Variants in RIMS3 observed in about 807,000 individuals in gnomAD.
RIMS3 encodes the protein regulating synaptic membrane exocytosis protein 3.
A neutral mutation model predicts 29.2 loss-of-function variants in RIMS3; 15 were observed. The ratio of observed to expected loss-of-function variants is 0.51; its 90% CI spans 0.34 to 0.79. The LOEUF is 0.79. Among genes scored for constraint, RIMS3 ranks in the 30% least tolerant of loss-of-function variants. RIMS3 has a pLI of 0.01. For synonymous variants in RIMS3, 161 were observed against 170.1 expected, an observed-to-expected ratio of 0.95 and a Z score of 0.41; for missense variants, 342 against 421.4, an observed-to-expected ratio of 0.81 and a Z score of 1.65.
chr1:40,657,000 G>A (rs779133760), intron 1 of RIMS3, among the ~76,000 whole-genome samples: 2 of 152,192 alleles, frequency 1.3e-5, no homozygotes, highest in Non-Finnish European at 2.9e-5. Flanking sequence ...TGCCCCGCTA[G>A]TGCCCTGTTG....
upstream of RIMS3, among the ~76,000 whole-genome samples, chr1:40,670,605 T>TATATATATATATATATAC: frequency 7.3e-6 from 1 of 137,654 alleles, no homozygotes; most frequent in African/African-American, 2.8e-5. Flanking sequence ...TATATATATA[T>TATATATATATATATATAC]ATATTTGAGA....
intron 5 of RIMS3, among the ~76,000 whole-genome samples, chr1:40,629,851 C>A (rs1438276317): frequency 6.6e-6 from 1 of 151,916 alleles, no homozygotes; most frequent in Non-Finnish European, 1.5e-5. Context: ...CAGAGGCGGG[C>A]AGATCATGAG....
At chr1:40,673,806 A>G in the RIMS3 span, among the ~76,000 whole-genome samples, 1 of 132,434 alleles carries the variant, frequency 7.6e-6, no homozygotes, top group Admixed American at 7.5e-5. Context: ...AACAGGCTTT[A>G]GCATCAGAGC....
At chr1:40,649,932 C>T (rs1646619857) in intron 1 of RIMS3, among the ~76,000 whole-genome samples, 1 of 152,188 alleles carries the variant, frequency 6.6e-6, no homozygotes, top group African/African-American at 2.4e-5. Flanking sequence ...GAAGGCAATA[C>T]AGACTCCAGA....
intron 2 of RIMS3, among the ~76,000 whole-genome samples, chr1:40,643,349 T>A (rs1396504749): frequency 6.6e-6 from 1 of 152,080 alleles, no homozygotes; most frequent in African/African-American, 2.4e-5. Context: ...GCAAGGCTGG[T>A]CTCGAACTCC....
chr1:40,622,525 T>G lies in RIMS3; in HGVS notation c.*3992A>C, dbSNP rs1646428199. ...ATGTCAGGATACTGGAGAAGAAAAC[T>G]CTGAGGAGTGGAAGAGAAAGGTAGG... is the stretch of plus-strand genomic sequence containing the variant. On this transcript the variant is annotated 3_prime_UTR_variant, in exon 8 of 8. Coordinates refer to ENST00000372684, the MANE Select transcript of RIMS3 (RefSeq NM_014747.3). 6.6e-6 allele frequency: 1 copy of G among 152,250 alleles called. No homozygotes were observed. The highest frequency in any genetic ancestry group is 2.4e-5 in the African/African-American group (1 of 41,432). 9.4% of individuals were successfully genotyped at this position (152,250 alleles called of 1,614,324 possible). A position where few individuals can be genotyped will look rare whatever the true frequency, so the allele number is the denominator to read the frequency against.
chr1:40,661,117 C>G (rs1179129452), intron 1 of RIMS3, among the ~76,000 whole-genome samples: 1 of 152,138 alleles, frequency 6.6e-6, no homozygotes, highest in Non-Finnish European at 1.5e-5. Context: ...GTTGGACAAC[C>G]TGGTTTTGAA....
chr1:40,683,728 G>A, the RIMS3 span, among the ~76,000 whole-genome samples: 1 of 152,200 alleles, frequency 6.6e-6, no homozygotes, highest in African/African-American at 2.4e-5. Flanking sequence ...ACAGCTACAC[G>A]TGGCTAGTGG....
At chr1:40,639,485 A>G (rs1030418262) in intron 3 of RIMS3, among the ~76,000 whole-genome samples, 9 of 152,204 alleles carry the variant, frequency 5.9e-5, no homozygotes, top group African/African-American at 2.2e-4. Flanking sequence ...GTACAATGGC[A>G]GGTAATAATA....
In RIMS3 at chr1:40,636,032, G is replaced by A; in HGVS notation, c.243C>T (p.Ser81=). ...CTGTCTCCGTGCTCCGGCGGATGTTGCTGCGCAGCTTCTTGGTGGCCCCTT... is the reference window on the plus strand; with the variant it reads ...CTGTCTCCGTGCTCCGGCGGATGTTACTGCGCAGCTTCTTGGTGGCCCCTT... ...QPEGATKKLR[S]NIRRSTETGI... is the part of the protein sequence containing the mutation. Residue 81 remains serine, a synonymous_variant, in exon 4 of 8, where the codon AGC becomes AGT. Coordinates refer to ENST00000372684, the MANE Select transcript of RIMS3 (RefSeq NM_014747.3). The surrounding 1 kb of genome is among the most constrained non-coding windows in gnomAD (Gnocchi z 4.2). 1 of 1,605,566 alleles carries A rather than the reference G, an allele frequency of 6.2e-7. No homozygotes were observed. Among genetic ancestry groups the A allele is most frequent in the Non-Finnish European group, 8.5e-7 (1 of 1,179,972 alleles).
chr1:40,687,133 T>A, the RIMS3 span, among the ~76,000 whole-genome samples: 1 of 152,078 alleles, frequency 6.6e-6, no homozygotes, highest in African/African-American at 2.4e-5. Flanking sequence ...CACAGAAGCA[T>A]CATTCACAGT....
At chr1:40,645,874 G>C (rs548461914) in intron 2 of RIMS3, among the ~76,000 whole-genome samples, 24 of 152,302 alleles carry the variant, frequency 1.6e-4, no homozygotes, top group African/African-American at 5.8e-4. Context: ...TAACCATCTA[G>C]GGATCAACCA....
At chr1:40,690,598 T>C in the RIMS3 span, 3 of 152,248 alleles carry the variant, frequency 2.0e-5, no homozygotes, top group East Asian at 5.8e-4. Flanking sequence ...GTTTTGTTCA[T>C]TCATTCATCA....
chr1:40,649,149 T>C (rs2148354524), intron 1 of RIMS3, among the ~76,000 whole-genome samples: 1 of 152,036 alleles, frequency 6.6e-6, no homozygotes, highest in Middle Eastern at 3.4e-3. Flanking sequence ...GTGCAGACCT[T>C]TGTCTCCCCG....
chr1:40,626,817 G>C (rs1646457779), intron 7 of RIMS3, 88 bp from the exon 8 acceptor site: 1 of 1,197,652 alleles, frequency 8.3e-7, no homozygotes, highest in African/African-American at 1.5e-5. Context: ...GTTTCAGCAG[G>C]GCACAGATGG....
At chr1:40,691,921 G>A in the RIMS3 span, 3 of 342,796 alleles carry the variant, frequency 8.8e-6, no homozygotes, top group East Asian at 1.1e-4. Flanking sequence ...GCGGCGGCGG[G>A]GGGAGGGGCA....
At chr1:40,675,528 C>A in the RIMS3 span, among the ~76,000 whole-genome samples, 1 of 151,974 alleles carries the variant, frequency 6.6e-6, no homozygotes. Context: ...GAGGTTGAGA[C>A]AGGAGGATCA....
intron 3 of RIMS3, among the ~76,000 whole-genome samples, chr1:40,638,406 T>C (rs1038591417): frequency 5.9e-5 from 9 of 152,364 alleles, no homozygotes; most frequent in Middle Eastern, 3.4e-3. Context: ...CAACCCCTGC[T>C]GATTTAAGGA....
the RIMS3 span, among the ~76,000 whole-genome samples, chr1:40,681,077 A>G: frequency 6.6e-6 from 1 of 152,144 alleles, no homozygotes. Flanking sequence ...TGCATTGTCT[A>G]TTTCCTTCTG....
Sources: allele counts gnomAD v4.1 joint callset (sites outside exome capture counted in the v4.1 genomes callset), GRCh38; gene constraint gnomAD v4.1.1; non-coding constraint Gnocchi (gnomAD v3.1); transcripts MANE v1.5; gene names NCBI Gene and HGNC (gene_info 2026-07-23, HGNC 2026-07-21).